The following JAM2 variants were observed in gnomAD, a reference collection of about 807,000 sequenced individuals.
JAM2 encodes the protein junctional adhesion molecule B.
Under a neutral mutation model 42.0 loss-of-function variants are expected in JAM2, and 17 were observed. The ratio of observed to expected loss-of-function variants is 0.40; its 90% confidence interval spans 0.28 to 0.61. JAM2 has a LOEUF of 0.61. Ranked by LOEUF, JAM2 falls within the 20% of genes least tolerant of loss-of-function variation. The pLI is 0.37. For synonymous variants in JAM2, 118 were observed against 128.6 expected (o/e 0.92, Z 0.56); for missense variants, 319 against 358.3 (o/e 0.89, Z 0.89).
intron 5 of JAM2, among the ~76,000 whole-genome samples, chr21:25,700,492 C>T (rs1048550856): frequency 1.3e-5 from 2 of 152,178 alleles, no homozygotes; most frequent in African/African-American, 2.4e-5. Flanking sequence ...TCCAGAGTAG[C>T]TGGGACTACA....
chr21:25,673,074 G>A (rs977257774), intron 1 of JAM2, among the ~76,000 whole-genome samples: 49 of 152,294 alleles, frequency 3.2e-4, no homozygotes, highest in African/African-American at 1.2e-3. Context: ...GTCACTTGGG[G>A]AAAATCAAAG....
chr21:25,693,536 C>T (rs896364829), intron 3 of JAM2, among the ~76,000 whole-genome samples: 12 of 152,264 alleles, frequency 7.9e-5, no homozygotes, highest in African/African-American at 2.2e-4. Flanking sequence ...GGATTACAGG[C>T]GTGAGCCATC....
rs1294294418 is a variant in JAM2, at chr21:25,682,488, C to T, written c.68-1395C>T. ...GGACGTGCGACAGGGGTGTGGCTCA[C>T]CTGTTCTGTAGCCACCGCTGCTTGA... On this transcript the variant is annotated intron_variant, in intron 1 of 9. Coordinates refer to ENST00000480456, the MANE Select transcript of JAM2 (RefSeq NM_021219.4). 2.0e-5 allele frequency among the ~76,000 whole-genome samples: 3 copies of T among 152,328 alleles called. No individual in the cohort carries two copies. The South Asian group carries it at 6.2e-4, about 32-fold the overall frequency.
chr21:25,666,662 G>A (rs536537865), intron 1 of JAM2, among the ~76,000 whole-genome samples: 122 of 151,972 alleles, frequency 8.0e-4, no homozygotes, highest in Non-Finnish European at 1.4e-3. Context: ...TCATCCTCCT[G>A]AGGAGCTGGG....
chr21:25,710,957 C>A (rs1482252721), intron 8 of JAM2, among the ~76,000 whole-genome samples: 1 of 152,186 alleles, frequency 6.6e-6, no homozygotes, highest in Non-Finnish European at 1.5e-5. Flanking sequence ...GGTGCCAAAG[C>A]AGTGTTGGAG....
At chr21:25,647,526 A>G (rs1461683390) in intron 1 of JAM2, among the ~76,000 whole-genome samples, 2 of 152,226 alleles carry the variant, frequency 1.3e-5, no homozygotes, top group Non-Finnish European at 2.9e-5. Flanking sequence ...AGCTCAGTCT[A>G]CAAGCAGGAC....
At chr21:25,698,971 T>C (rs2034101826) in intron 5 of JAM2, 92 bp downstream of exon 5, 9 of 1,115,178 alleles carry the variant, frequency 8.1e-6, no homozygotes, top group Non-Finnish European at 4.0e-6. Context: ...AGAGAGCTGA[T>C]ACCATTGCTT....
At chr21:25,660,522 G>T (rs993761668) in intron 1 of JAM2, among the ~76,000 whole-genome samples, 1 of 151,656 alleles carries the variant, frequency 6.6e-6, no homozygotes, top group Non-Finnish European at 1.5e-5. Context: ...CAGGGACCAG[G>T]CCTCTTAAAC....
intron 9 of JAM2, chr21:25,714,314 G>T: frequency 1.3e-6 from 1 of 761,310 alleles, no homozygotes; most frequent in Non-Finnish European, 1.9e-6. Flanking sequence ...AGACCAGTCT[G>T]GCCAATATGG....
chr21:25,644,909 C>A (rs1266513256), intron 1 of JAM2, among the ~76,000 whole-genome samples: 1 of 145,756 alleles, frequency 6.9e-6, no homozygotes, highest in Non-Finnish European at 1.5e-5. Context: ...GAGATGGAAT[C>A]TTGCTCTGTC....
intron 1 of JAM2, among the ~76,000 whole-genome samples, chr21:25,644,939 G>A (rs1003875674): frequency 6.6e-6 from 1 of 152,116 alleles, no homozygotes; most frequent in Non-Finnish European, 1.5e-5. Context: ...GGAATGCAGT[G>A]GCGCAATCTC....
chr21:25,639,544 C>G lies in JAM2; in HGVS notation c.-278C>G, dbSNP rs2032362726. ...CCCCTCGCTAGGACCCGGCGGACGC[C>G]TCGTCTGGTTTTCACGCCCTCTAGC... On this transcript the variant is annotated 5_prime_UTR_variant, in exon 1 of 10. Transcript: ENST00000480456. 1.4e-5 allele frequency: 5 copies of G among 359,184 alleles called. No individual in the cohort carries two copies. Among genetic ancestry groups the G allele is most frequent in the Middle Eastern group, 1.4e-3 (2 of 1,436 alleles). The allele number at this position is 359,184 out of a possible 1,614,324, so 22.2% of individuals were successfully genotyped here.
chr21:25,675,792 G>T (rs1265746685), intron 1 of JAM2, among the ~76,000 whole-genome samples: 2 of 152,014 alleles, frequency 1.3e-5, no homozygotes, highest in African/African-American at 4.8e-5. Flanking sequence ...CCGACTTCCA[G>T]CATTAGGAAT....
chr21:25,712,200 T>C (rs556170457), intron 8 of JAM2, 140 bp from the exon 9 acceptor site: 8 of 683,208 alleles, frequency 1.2e-5, no homozygotes, highest in African/African-American at 1.1e-4. Context: ...TCAGTAAGAA[T>C]TGTCTTTTTT....
At position 25,706,171 on chromosome 21, in the gene JAM2, G is replaced by GTTTT. The variant is rs869032020; in HGVS notation, c.805+89_805+92dup. 4.4e-6 allele frequency: 4 copies of GTTTT among 909,048 alleles called. No individual in the cohort carries two copies. The Admixed American group carries it at 7.7e-5, about 18-fold the overall frequency. 56.3% of individuals were successfully genotyped at this position (909,048 alleles called of 1,614,324 possible). ...GAGATACTGTTTCTCCTAGGAAGTT[G>GTTTT]TTTTTTTGTTTGTTTGTTTGTTTTT... On this transcript the variant is annotated intron_variant, in intron 7 of 9. Coordinates refer to ENST00000480456, the MANE Select transcript of JAM2 (RefSeq NM_021219.4).
chr21:25,640,925 T>C (rs571583535), intron 1 of JAM2, among the ~76,000 whole-genome samples: 1 of 152,222 alleles, frequency 6.6e-6, no homozygotes, highest in South Asian at 2.1e-4. Context: ...GCGGGACGAG[T>C]GTCTAATACC....
chr21:25,651,216 T>A lies in JAM2; in HGVS notation c.67+11328T>A, dbSNP rs187375479. ...AAAGGATATTTGTAAGTTACATCTC[T>A]GACAGAGTATTATCACTGATATAAA... On this transcript the variant is annotated intron_variant, in intron 1 of 9. Transcript: ENST00000480456. Among the ~76,000 whole-genome samples the A allele has an allele frequency of 7.4e-4, 113 of 152,278 alleles. 1 individual carries two copies. The highest frequency in any genetic ancestry group is 2.6e-3 in the African/African-American group (110 of 41,578).
chr21:25,650,838 T>C (rs1310583807), intron 1 of JAM2, among the ~76,000 whole-genome samples: 1 of 151,884 alleles, frequency 6.6e-6, no homozygotes, highest in Non-Finnish European at 1.5e-5. Context: ...AGTCCGGAAA[T>C]TATGCCAACT....
chr21:25,674,488 T>C (rs1037444342), intron 1 of JAM2, among the ~76,000 whole-genome samples: 10 of 152,208 alleles, frequency 6.6e-5, no homozygotes, highest in African/African-American at 2.4e-4. Context: ...ATGAGGATTT[T>C]AGTGCAGTGG....
Sources: gnomAD v4.1 joint callset for allele counts (sites outside exome capture counted in the v4.1 genomes callset) on GRCh38, gnomAD v4.1.1 for gene constraint, MANE v1.5 for transcripts, NCBI Gene and HGNC (gene_info 2026-07-23, HGNC 2026-07-21) for gene names.